The following ZNF385A variants were observed in gnomAD, a reference collection of about 807,000 sequenced individuals.
ZNF385A encodes zinc finger protein 385A.
In ZNF385A, 14 loss-of-function variants were observed where a neutral mutation model predicts 32.1. The observed-to-expected ratio is 0.44, with a 90% CI of 0.29 to 0.68. The LOEUF is 0.68. ZNF385A is among the 30% of genes least tolerant of loss of function. ZNF385A has a pLI of 0.14. For missense variants in ZNF385A, 406 were observed against 478.4 expected (o/e 0.85, Z 1.41); for synonymous variants, 197 against 202.7 (o/e 0.97, Z 0.24).
chr12:54,384,388 G>C, intron 1 of ZNF385A, 40 bp downstream of exon 1: 4 of 1,546,862 alleles, frequency 2.6e-6, no homozygotes, highest in Non-Finnish European at 2.6e-6. Flanking sequence ...GAAAGGTCGG[G>C]TCACAAGAGG....
chr12:54,387,247 C>T (rs1955513495), upstream of ZNF385A, among the ~76,000 whole-genome samples: 1 of 152,160 alleles, frequency 6.6e-6, no homozygotes, highest in Admixed American at 6.5e-5. Flanking sequence ...AACAACTCAT[C>T]TTTTCCACAG....
chr12:54,370,383 G>A lies in ZNF385A; in HGVS notation c.974C>T (p.Pro325Leu), dbSNP rs1383468881. 2 of 1,525,056 alleles carry A rather than the reference G, an allele frequency of 1.3e-6. No individual in the cohort carries two copies. The highest frequency in any genetic ancestry group is 1.4e-5 in the African/African-American group (1 of 72,404). 94.5% of individuals were successfully genotyped at this position (1,525,056 alleles called of 1,614,324 possible). ...GGCTGGAGCCGGGCGCAGGGACAGCGGCGAGCCTGCTGCCGCTGCCATCAC... is the reference window on the plus strand; with the variant it reads ...GGCTGGAGCCGGGCGCAGGGACAGCAGCGAGCCTGCTGCCGCTGCCATCAC... ...AAVMAAAAGS[P>L]LSLRPAPAAP... The change falls in exon 7 of 7, where the codon CCG becomes CTG. Residue 325 changes from proline to leucine, a missense_variant. Transcript: ENST00000394313. The surrounding 1 kb of genome is among the most constrained non-coding windows in gnomAD (Gnocchi z 5.5).
upstream of ZNF385A, chr12:54,385,051 T>A: frequency 4.3e-6 from 1 of 231,950 alleles, no homozygotes; most frequent in Non-Finnish European, 7.1e-6. Context: ...GGGGGGCTGC[T>A]GAATCTCTCA....
chr12:54,386,694 A>T (rs1287771517), upstream of ZNF385A, among the ~76,000 whole-genome samples: 1 of 152,194 alleles, frequency 6.6e-6, no homozygotes, highest in Non-Finnish European at 1.5e-5. Flanking sequence ...GCCCTGCCCC[A>T]GAGCACCAGA....
Position 54,369,741 on chromosome 12 carries a change from G to C in ZNF385A, c.*515C>G, listed in dbSNP as rs993766768. The C allele has an allele frequency of 6.5e-6, 1 of 152,932 alleles. No individual in the cohort carries two copies. Among genetic ancestry groups the C allele is most frequent in the East Asian group, 1.9e-4 (1 of 5,184 alleles). 9.5% of individuals were successfully genotyped at this position (152,932 alleles called of 1,614,324 possible). ...GGGCGGGCACAGTGAGGTTGCAGGCGGTAAAACCAAAGTGCTTATGAGGGA... is the reference window on the plus strand; with the variant it reads ...GGGCGGGCACAGTGAGGTTGCAGGCCGTAAAACCAAAGTGCTTATGAGGGA... On this transcript the variant is annotated 3_prime_UTR_variant, in exon 7 of 7. Transcript: ENST00000394313.
chr12:54,372,842 C>T (rs149074183), intron 3 of ZNF385A: 1,845 of 175,080 alleles, frequency 0.011, 34 homozygotes, highest in African/African-American at 0.042. Flanking sequence ...AGTTTGAGAC[C>T]AGCTTGGGCA....
At chr12:54,375,190 C>T (rs1448519527) in intron 2 of ZNF385A, among the ~76,000 whole-genome samples, 1 of 152,120 alleles carries the variant, frequency 6.6e-6, no homozygotes, top group African/African-American at 2.4e-5. Context: ...CTGCACCCCA[C>T]AAAGTCCCCT....
At chr12:54,372,651 CCATCAT>C (rs1189438088) in intron 3 of ZNF385A, among the ~76,000 whole-genome samples, 1 of 152,156 alleles carries the variant, frequency 6.6e-6, no homozygotes, top group Non-Finnish European at 1.5e-5. Flanking sequence ...TTAGCTATCA[CCATCAT>C]CATCATCATC....
intron 1 of ZNF385A, among the ~76,000 whole-genome samples, chr12:54,383,711 A>G (rs1042033933): frequency 1.3e-5 from 2 of 152,190 alleles, no homozygotes; most frequent in African/African-American, 4.8e-5. Flanking sequence ...CCTGGCCAAC[A>G]TGGTGAAACC....
At chr12:54,382,328 C>A (rs772916637) in intron 1 of ZNF385A, among the ~76,000 whole-genome samples, 3 of 152,064 alleles carry the variant, frequency 2.0e-5, no homozygotes, top group Non-Finnish European at 4.4e-5. Context: ...CCTGCCTCGG[C>A]CTCCCAAAGT....
At chr12:54,384,346 CA>C in intron 1 of ZNF385A, 81 bp downstream of exon 1, 1 of 1,435,416 alleles carries the variant, frequency 7.0e-7, no homozygotes, top group Non-Finnish European at 9.2e-7. Flanking sequence ...GAATTAGAAA[CA>C]GAAGAAGAGG....
intron 1 of ZNF385A, among the ~76,000 whole-genome samples, chr12:54,377,368 A>G (rs1257349950): frequency 6.6e-6 from 1 of 152,048 alleles, no homozygotes; most frequent in Non-Finnish European, 1.5e-5. Flanking sequence ...CTAAGGGCTC[A>G]CTTTTTTTTA....
intron 1 of ZNF385A, among the ~76,000 whole-genome samples, chr12:54,377,332 C>G (rs187444882): frequency 1.6e-4 from 25 of 152,238 alleles, no homozygotes; most frequent in African/African-American, 6.0e-4. Flanking sequence ...ATCTCTTGGC[C>G]TACTCTTGGT....
intron 1 of ZNF385A, chr12:54,378,955 G>T: frequency 1.5e-6 from 1 of 667,678 alleles, no homozygotes; most frequent in Non-Finnish European, 1.9e-6. Flanking sequence ...ACAGCCCGAG[G>T]ACTAGGCAGA....
At chr12:54,389,576 G>T (rs1955582604), upstream of ZNF385A, among the ~76,000 whole-genome samples, 1 of 152,210 alleles carries the variant, frequency 6.6e-6, no homozygotes, top group South Asian at 2.1e-4. Context: ...TCTTGGTCAG[G>T]CTCCAGCAAG....
rs1954500947 is a variant in ZNF385A, at chr12:54,370,789, A to G, written c.775-68T>C. ...GGGCAACAGCGAGGGAGTATAATCAAGCTCCAAGCACCGGCCCCCTCCCAT... is the reference window on the plus strand; with the variant it reads ...GGGCAACAGCGAGGGAGTATAATCAGGCTCCAAGCACCGGCCCCCTCCCAT... On this transcript the variant is annotated intron_variant, in intron 5 of 6. Transcript: ENST00000394313. This position sits in a 1 kb window ranked among gnomAD's most constrained non-coding sequence, Gnocchi z 5.5. 2 of 1,587,104 alleles carry G rather than the reference A, an allele frequency of 1.3e-6. No individual in the cohort carries two copies. The highest frequency in any genetic ancestry group is 3.5e-5 in the Admixed American group (2 of 57,626).
chr12:54,384,805 G>T, upstream of ZNF385A: 1 of 1,228,352 alleles, frequency 8.1e-7, no homozygotes, highest in South Asian at 3.7e-5. Context: ...CCCTTTTCCA[G>T]CCTCCCTCCC....
At chr12:54,389,938 CAG>C (rs760627072) in intron 1 of ZNF385A, among the ~76,000 whole-genome samples, 3 of 151,812 alleles carry the variant, frequency 2.0e-5, no homozygotes, top group African/African-American at 7.3e-5. Context: ...AGACATACAG[CAG>C]AGAGAGACTG....
At chr12:54,375,774 C>CT in intron 2 of ZNF385A, 70 bp downstream of exon 2, 1 of 1,352,532 alleles carries the variant, frequency 7.4e-7, no homozygotes, top group East Asian at 2.3e-5. Context: ...CACCCAGCCT[C>CT]TGCCCTCCCT....
Sources: gnomAD v4.1 joint callset for allele counts (sites outside exome capture counted in the v4.1 genomes callset) on GRCh38, gnomAD v4.1.1 for gene constraint, Gnocchi (gnomAD v3.1) non-coding constraint, MANE v1.5 for transcripts, NCBI Gene and HGNC (gene_info 2026-07-23, HGNC 2026-07-21) for gene names.